The following SPAG16 variants were observed in gnomAD, a reference collection of about 807,000 sequenced individuals.
SPAG16 encodes sperm-associated antigen 16 protein.
SPAG16 carries 86 observed loss-of-function variants against 80.4 expected under a neutral mutation model. That is an observed-to-expected ratio of 1.07 (90% CI 0.90 to 1.28). SPAG16 has a LOEUF of 1.28. SPAG16 is among the 50% of genes most tolerant of loss of function. The probability of loss-of-function intolerance (pLI) is 0.00; values close to 1 mark genes in which losing one functional copy is unlikely to be tolerated. For missense variants in SPAG16, 870 were observed against 765.3 expected (o/e 1.14, Z -1.61); for synonymous variants, 294 against 265.9 (o/e 1.11, Z -1.03).
intron 10 of SPAG16, among the ~76,000 whole-genome samples, chr2:213,782,180 GT>G (rs11310181): frequency 0.23 from 33,655 of 145,912 alleles, 4,591 homozygotes; most frequent in Middle Eastern, 0.35. Context: ...ATAGTCTTCA[GT>G]TTTTTTTTTT....
chr2:214,037,369 AAT>A (rs2048751912), intron 13 of SPAG16, among the ~76,000 whole-genome samples: 1 of 152,012 alleles, frequency 6.6e-6, no homozygotes, highest in Non-Finnish European at 1.5e-5. Context: ...TTTATTTTAA[AAT>A]AATCTGTTTT....
At chr2:214,173,887 G>A (rs2056974157) in intron 15 of SPAG16, among the ~76,000 whole-genome samples, 1 of 151,842 alleles carries the variant, frequency 6.6e-6, no homozygotes, top group African/African-American at 2.4e-5. Context: ...ATGATCAAGT[G>A]GGCTTCATCC....
chr2:213,287,305 A>G (rs1032753697), intron 1 of SPAG16, among the ~76,000 whole-genome samples: 2 of 152,258 alleles, frequency 1.3e-5, no homozygotes, highest in African/African-American at 4.8e-5. Context: ...AGAAATCAAC[A>G]CAACTTGGGT....
At chr2:213,290,749 G>C (rs1397156105) in intron 1 of SPAG16, among the ~76,000 whole-genome samples, 1 of 152,186 alleles carries the variant, frequency 6.6e-6, no homozygotes, top group Admixed American at 6.5e-5. Context: ...TTACAGATGA[G>C]AAAGTTGCTC....
intron 15 of SPAG16, among the ~76,000 whole-genome samples, chr2:214,292,027 C>T: frequency 6.6e-6 from 1 of 152,060 alleles, no homozygotes; most frequent in East Asian, 1.9e-4. Flanking sequence ...GCATGATATC[C>T]TTGAGTGGGA....
intron 10 of SPAG16, among the ~76,000 whole-genome samples, chr2:213,778,697 C>T (rs894490813): frequency 3.3e-5 from 5 of 152,138 alleles, no homozygotes; most frequent in African/African-American, 4.8e-5. Context: ...TTGGCTAAAT[C>T]CATCAGTCAT....
chr2:213,866,167 G>A (rs1575401159), intron 11 of SPAG16, among the ~76,000 whole-genome samples: 2 of 151,608 alleles, frequency 1.3e-5, no homozygotes, highest in Non-Finnish European at 2.9e-5. Context: ...GAATAAAACA[G>A]GTAATTTTTA....
At chr2:213,752,706 C>T (rs905055094) in intron 10 of SPAG16, among the ~76,000 whole-genome samples, 3 of 152,290 alleles carry the variant, frequency 2.0e-5, no homozygotes, top group Admixed American at 1.3e-4. Flanking sequence ...GCACAAAAAG[C>T]TACACAGTAC....
intron 12 of SPAG16, among the ~76,000 whole-genome samples, chr2:213,976,710 T>C (rs762673232): frequency 4.6e-5 from 7 of 152,028 alleles, no homozygotes; most frequent in Non-Finnish European, 8.8e-5. Flanking sequence ...GAGAGGACTC[T>C]AGGAGTTCAG....
intron 9 of SPAG16, among the ~76,000 whole-genome samples, chr2:213,384,547 CA>C (rs1163108978): frequency 6.6e-6 from 1 of 152,150 alleles, no homozygotes; most frequent in Non-Finnish European, 1.5e-5. Context: ...TCAACAGTTT[CA>C]CAATGTCTGG....
chr2:213,942,132 C>T (rs1312474168), intron 12 of SPAG16, among the ~76,000 whole-genome samples: 1 of 152,126 alleles, frequency 6.6e-6, no homozygotes. Context: ...TTTCTTGCCC[C>T]TCTCTTCTTC....
At chr2:213,816,227 A>G (rs1047315345) in intron 10 of SPAG16, among the ~76,000 whole-genome samples, 2 of 152,134 alleles carry the variant, frequency 1.3e-5, no homozygotes, top group African/African-American at 4.8e-5. Context: ...AGTTACATCC[A>G]TATCATTACA....
At chr2:214,242,626 A>G (rs1689573140) in intron 15 of SPAG16, among the ~76,000 whole-genome samples, 1 of 152,204 alleles carries the variant, frequency 6.6e-6, no homozygotes, top group African/African-American at 2.4e-5. Context: ...TTTTGAGTAG[A>G]AGAATCTCCC....
chr2:213,820,352 AC>A (rs1468751583), intron 10 of SPAG16, among the ~76,000 whole-genome samples: 6 of 151,208 alleles, frequency 4.0e-5, no homozygotes, highest in African/African-American at 1.5e-4. Context: ...ATTTTTGGTA[AC>A]CTTTTTTTTG....
intron 10 of SPAG16, among the ~76,000 whole-genome samples, chr2:213,569,759 T>C (rs1424282054): frequency 9.7e-6 from 1 of 102,946 alleles, no homozygotes; most frequent in Non-Finnish European, 1.8e-5. Context: ...TAAAATGAGT[T>C]AGGGAGGATT....
intron 10 of SPAG16, among the ~76,000 whole-genome samples, chr2:213,605,755 C>T (rs1005424329): frequency 6.6e-6 from 1 of 152,048 alleles, no homozygotes; most frequent in Non-Finnish European, 1.5e-5. Flanking sequence ...TCCCAAAGTG[C>T]TGGGATTACA....
At chr2:213,415,128 A>C (rs910458146) in intron 9 of SPAG16, among the ~76,000 whole-genome samples, 1 of 152,234 alleles carries the variant, frequency 6.6e-6, no homozygotes, top group Non-Finnish European at 1.5e-5. Context: ...ACAGAGCCAA[A>C]CCATATCAGG....
At chr2:214,403,077 C>A (rs957497461) in intron 15 of SPAG16, among the ~76,000 whole-genome samples, 1 of 150,230 alleles carries the variant, frequency 6.7e-6, no homozygotes, top group African/African-American at 2.4e-5. Flanking sequence ...CTGGGCATAT[C>A]ATAAAAGATA....
intron 13 of SPAG16, among the ~76,000 whole-genome samples, chr2:214,014,505 C>A (rs1420007888): frequency 1.3e-5 from 2 of 152,108 alleles, no homozygotes; most frequent in African/African-American, 2.4e-5. Context: ...TTCATATCTG[C>A]TGGAAGAGTG....
Sources: allele counts gnomAD v4.1 joint callset (sites outside exome capture counted in the v4.1 genomes callset), GRCh38; gene constraint gnomAD v4.1.1; transcripts MANE v1.5; gene names NCBI Gene and HGNC (gene_info 2026-07-23, HGNC 2026-07-21).